TMC1: variants seen among roughly 807,000 people sequenced by gnomAD.
TMC1 encodes the protein transmembrane channel like 1.
A neutral mutation model predicts 105.8 loss-of-function variants in TMC1; 84 were observed. That is an observed-to-expected ratio of 0.79 (90% confidence interval 0.67 to 0.95). The LOEUF is 0.95. TMC1 is among the 40% of genes least tolerant of loss of function. The pLI, the probability that TMC1 is intolerant of heterozygous loss-of-function variation, is 0.00. For synonymous variants in TMC1, 315 were observed against 311.5 expected (o/e 1.01, Z -0.12); for missense variants, 817 against 914.1 (o/e 0.89, Z 1.37).
chr9:72,756,595 C>G (rs1827679919), intron 12 of TMC1, among the ~76,000 whole-genome samples: 1 of 152,134 alleles, frequency 6.6e-6, no homozygotes, highest in Non-Finnish European at 1.5e-5. Context: ...TTCTCATTCT[C>G]TTCCTCTGAT....
intron 1 of TMC1, among the ~76,000 whole-genome samples, chr9:72,572,380 A>G (rs1401287287): frequency 1.3e-5 from 2 of 151,774 alleles, no homozygotes; most frequent in Non-Finnish European, 2.9e-5. Flanking sequence ...ATTTTAGTAG[A>G]GATGGTATTT....
At chr9:72,688,669 G>T (rs751191888) in intron 5 of TMC1, 40 bp from the exon 6 acceptor site, 82 of 1,522,178 alleles carry the variant, frequency 5.4e-5, no homozygotes, top group Non-Finnish European at 7.2e-5. Context: ...AATTGTACAG[G>T]CATTTAAATA....
At chr9:72,624,645 G>C (rs1825314880) in intron 3 of TMC1, among the ~76,000 whole-genome samples, 2 of 152,220 alleles carry the variant, frequency 1.3e-5, no homozygotes, top group East Asian at 3.8e-4. Context: ...TCTGGCTAGA[G>C]GCAATAAATC....
intron 18 of TMC1, among the ~76,000 whole-genome samples, chr9:72,806,036 GC>G: frequency 6.6e-6 from 1 of 152,124 alleles, no homozygotes; most frequent in Non-Finnish European, 1.5e-5. Flanking sequence ...TGTCATCCGG[GC>G]CCATTCTCAA....
chr9:72,704,749 T>G (rs1456326585), intron 8 of TMC1, among the ~76,000 whole-genome samples: 1 of 152,200 alleles, frequency 6.6e-6, no homozygotes, highest in East Asian at 1.9e-4. Flanking sequence ...TTAAACCTAC[T>G]GAATGATAAT....
chr9:72,730,930 A>G (rs1277357046), intron 8 of TMC1, among the ~76,000 whole-genome samples: 1 of 152,222 alleles, frequency 6.6e-6, no homozygotes, highest in East Asian at 1.9e-4. Flanking sequence ...GGAGGAGCTC[A>G]GGTGGTAATA....
At chr9:72,582,236 C>T (rs11143333) in intron 2 of TMC1, among the ~76,000 whole-genome samples, 89 of 152,160 alleles carry the variant, frequency 5.8e-4, no homozygotes, top group Non-Finnish European at 8.2e-4. Context: ...GGATTACAGG[C>T]GTGAGCCACT....
Position 72,661,159 on chromosome 9 carries a change from A to T in TMC1, c.16+12495A>T, listed in dbSNP as rs569934203. The stretch of plus-strand genomic sequence containing the variant: ...AGAGCGAGACTCATCTCAAAAACAA[A>T]CAAACAAAAAGAATGTAAATGATTG... On this transcript the variant is annotated intron_variant, in intron 5 of 23. Coordinates refer to ENST00000297784, the MANE Select transcript of TMC1 (RefSeq NM_138691.3). Among the ~76,000 whole-genome samples the T allele has an allele frequency of 2.4e-4, 36 of 152,186 alleles. 1 individual carries two copies. Among genetic ancestry groups the T allele is most frequent in the Non-Finnish European group, 4.9e-4 (33 of 68,030 alleles).
intron 1 of TMC1, among the ~76,000 whole-genome samples, chr9:72,559,338 C>G (rs1228252607): frequency 2.6e-5 from 4 of 152,186 alleles, no homozygotes; most frequent in African/African-American, 7.2e-5. Context: ...TCATGATCCA[C>G]CCGCCTTGGC....
intron 13 of TMC1, among the ~76,000 whole-genome samples, chr9:72,786,132 A>G (rs1256111474): frequency 1.3e-5 from 2 of 152,214 alleles, no homozygotes; most frequent in East Asian, 3.9e-4. Flanking sequence ...AACTTGTCCA[A>G]GTCAAGAAAT....
intron 1 of TMC1, among the ~76,000 whole-genome samples, chr9:72,554,629 A>G (rs1299802468): frequency 1.3e-5 from 2 of 152,188 alleles, no homozygotes; most frequent in Admixed American, 1.3e-4. Flanking sequence ...TTCAGCAGTG[A>G]AAGTCAGGGA....
intron 8 of TMC1, among the ~76,000 whole-genome samples, chr9:72,721,564 G>C (rs775364187): frequency 6.6e-5 from 10 of 152,094 alleles, no homozygotes; most frequent in South Asian, 2.1e-4. Flanking sequence ...AACTTACGAG[G>C]GTTCAGAAAA....
At chr9:72,568,097 G>A (rs1348937174) in intron 1 of TMC1, among the ~76,000 whole-genome samples, 2 of 150,614 alleles carry the variant, frequency 1.3e-5, no homozygotes, top group African/African-American at 2.4e-5. Flanking sequence ...AGGATTTCTG[G>A]TGGAAAAGGA....
Position 72,787,876 on chromosome 9 carries a change from T to C in TMC1, c.885-463T>C, listed in dbSNP as rs112602453. 4.6e-3 allele frequency among the ~76,000 whole-genome samples: 708 copies of C among 152,284 alleles called. 6 individuals carry two copies. The highest frequency in any genetic ancestry group is 0.015 in the African/African-American group (629 of 41,560). On this transcript the variant is annotated intron_variant, in intron 13 of 23. Coordinates refer to ENST00000297784, the MANE Select transcript of TMC1 (RefSeq NM_138691.3). ...ATTAAAATTTACATAGGAGTTTCTTTGCCTGGTTTAGTCCATCCAGAGGCT... is the reference window on the plus strand; with the variant it reads ...ATTAAAATTTACATAGGAGTTTCTTCGCCTGGTTTAGTCCATCCAGAGGCT...
intron 4 of TMC1, among the ~76,000 whole-genome samples, chr9:72,640,895 T>C (rs1332237193): frequency 6.6e-6 from 1 of 152,134 alleles, no homozygotes; most frequent in Non-Finnish European, 1.5e-5. Context: ...CCTCCCAAAG[T>C]GCTGGGATTA....
At chr9:72,625,835 G>T (rs1253713292) in intron 3 of TMC1, among the ~76,000 whole-genome samples, 1 of 152,096 alleles carries the variant, frequency 6.6e-6, no homozygotes, top group Admixed American at 6.6e-5. Context: ...GATGAAGTAG[G>T]CTGATTTTGT....
At chr9:72,694,152 T>C (rs1826511759) in intron 6 of TMC1, among the ~76,000 whole-genome samples, 1 of 152,174 alleles carries the variant, frequency 6.6e-6, no homozygotes, top group Non-Finnish European at 1.5e-5. Context: ...TATGAAGTGG[T>C]TAATCACTCA....
rs141090845 is a variant in TMC1, at chr9:72,827,986, A to G, written c.2129+992A>G. ...TAGTGAGGGCAGGTTTATCTTCTTC[A>G]ATTTTATAACCTAAGAAATTGATTT... On this transcript the variant is annotated intron_variant, in intron 21 of 23. Transcript: ENST00000297784. Among the ~76,000 whole-genome samples, 1,405 of 152,276 alleles carry G rather than the reference A, an allele frequency of 9.2e-3. 14 individuals are homozygous for G. The highest frequency in any genetic ancestry group is 0.032 in the African/African-American group (1,336 of 41,536).
chr9:72,709,507 C>T (rs1367258899), intron 8 of TMC1, among the ~76,000 whole-genome samples: 2 of 152,000 alleles, frequency 1.3e-5, no homozygotes, highest in Non-Finnish European at 2.9e-5. Context: ...TTTTAAATTA[C>T]TATTTCAATT....
Sources: gnomAD v4.1 joint callset for allele counts (sites outside exome capture counted in the v4.1 genomes callset) on GRCh38, gnomAD v4.1.1 for gene constraint, MANE v1.5 for transcripts, NCBI Gene and HGNC (gene_info 2026-07-23, HGNC 2026-07-21) for gene names.